The following AK3 variants were observed in gnomAD, a reference collection of about 807,000 sequenced individuals.
The protein encoded by AK3 is GTP:AMP phosphotransferase AK3, mitochondrial.
Under a neutral mutation model 23.7 loss-of-function variants are expected in AK3, and 27 were observed. The ratio of observed to expected loss-of-function variants is 1.14; its 90% CI spans 0.84 to 1.57. The LOEUF (loss-of-function observed/expected upper bound fraction) is 1.57. Ranked by LOEUF, AK3 falls within the 40% of genes most tolerant of loss-of-function variation. The probability of loss-of-function intolerance (pLI) is 0.00; values close to 1 mark genes in which losing one functional copy is unlikely to be tolerated. For missense variants in AK3, 406 were observed against 285.6 expected, an observed-to-expected ratio of 1.42 and a Z score of -3.04; for synonymous variants, 159 against 116.0, an observed-to-expected ratio of 1.37 and a Z score of -2.38.
At chr9:4,723,315 C>T (rs77840826) in intron 1 of AK3, among the ~76,000 whole-genome samples, 9,023 of 152,122 alleles carry the variant, frequency 0.059, 856 homozygotes, top group African/African-American at 0.2. Context: ...AAATAAGAAT[C>T]TGAAATCATC....
chr9:4,737,201 T>C (rs143616964), intron 1 of AK3, among the ~76,000 whole-genome samples: 1 of 151,238 alleles, frequency 6.6e-6, no homozygotes, highest in African/African-American at 2.4e-5. Context: ...ATAATTTTCA[T>C]GAAATACAGC....
intron 2 of AK3, among the ~76,000 whole-genome samples, chr9:4,721,176 G>A (rs1177515011): frequency 6.6e-6 from 1 of 152,128 alleles, no homozygotes; most frequent in Non-Finnish European, 1.5e-5. Flanking sequence ...GCTGAGGTGG[G>A]CAGATCACTT....
chr9:4,737,524 C>A (rs1390286434), intron 1 of AK3, among the ~76,000 whole-genome samples: 2 of 152,112 alleles, frequency 1.3e-5, no homozygotes, highest in Non-Finnish European at 2.9e-5. Flanking sequence ...AGTTCGAGAC[C>A]AGCCTGCCAA....
At chr9:4,718,311 T>C in intron 4 of AK3, 108 bp downstream of exon 4, 1 of 803,294 alleles carries the variant, frequency 1.2e-6, no homozygotes, top group Non-Finnish European at 2.1e-6. Context: ...TAAGCCCATG[T>C]GAACTGGGTC....
rs145499793 is a variant in AK3 at position 4,732,870 on chromosome 9, CTT to C, written c.151+8065_151+8066del. ...GTAAATAACAGTTCTCTCTCTCTCT[CTT>C]TTTTTTTTTTTTTCCAAAGAGCCAA... On this transcript the variant is annotated intron_variant, in intron 1 of 4. Transcript: ENST00000381809. Among the ~76,000 whole-genome samples, 130 of 142,380 alleles carry C rather than the reference CTT, an allele frequency of 9.1e-4. 1 individual carries two copies. The highest frequency in any genetic ancestry group is 1.6e-3 in the East Asian group (8 of 4,926). The allele number at this position is 142,380 out of a possible 152,430, so 93.4% of individuals were successfully genotyped here.
chr9:4,720,021 C>T (rs1236134220), intron 2 of AK3, among the ~76,000 whole-genome samples: 1 of 152,256 alleles, frequency 6.6e-6, no homozygotes, highest in Middle Eastern at 3.4e-3. Flanking sequence ...CAAAATTCTA[C>T]ACCAGTGCAC....
At chr9:4,729,015 A>ATATATATATATATATATATATTTTT (rs71326127) in intron 1 of AK3, among the ~76,000 whole-genome samples, 1 of 129,450 alleles carries the variant, frequency 7.7e-6, no homozygotes, top group Non-Finnish European at 1.6e-5. Flanking sequence ...ATATATATAT[A>ATATATATATATATATATATATTTTT]TTTTTTTTTT....
chr9:4,727,595 C>T (rs4615632), intron 1 of AK3, among the ~76,000 whole-genome samples: 75,467 of 152,044 alleles, frequency 0.5, 20,104 homozygotes, highest in East Asian at 0.74. Flanking sequence ...TGTGGCTGGT[C>T]TGATCTTCTT....
intron 4 of AK3, among the ~76,000 whole-genome samples, chr9:4,714,056 A>C (rs377122116): frequency 0.026 from 41 of 1,572 alleles, no homozygotes; most frequent in African/African-American, 0.05. Flanking sequence ...ATATACACCT[A>C]CACATATACA....
chr9:4,738,402 G>T (rs1001575580), intron 1 of AK3, among the ~76,000 whole-genome samples: 1 of 152,130 alleles, frequency 6.6e-6, no homozygotes, highest in Non-Finnish European at 1.5e-5. Context: ...CTGACCTCTG[G>T]TGATTCACCC....
chr9:4,721,853 T>C (rs1164190771), intron 2 of AK3, among the ~76,000 whole-genome samples: 3 of 152,236 alleles, frequency 2.0e-5, no homozygotes, highest in Non-Finnish European at 4.4e-5. Flanking sequence ...TAGAATGTAC[T>C]TTCCACAAGG....
chr9:4,718,469 C>T lies in AK3; in HGVS notation c.513G>A (p.Lys171=). The change falls in exon 4 of 5, where the codon AAG becomes AAA. Residue 171 remains lysine, a synonymous_variant. Transcript: ENST00000381809. ...REDDKPETVI[K]RLKAYEDQTK... Reference sequence around the variant, plus strand: ...TTTGGTCTTCATAAGCCTTTAGTCTCTTGATAACCGTCTCTGGTTTATCAT... The same window carrying T: ...TTTGGTCTTCATAAGCCTTTAGTCTTTTGATAACCGTCTCTGGTTTATCAT... 6.2e-7 allele frequency: 1 copy of T among 1,613,548 alleles called. No individual in the cohort carries two copies. The highest frequency in any genetic ancestry group is 1.3e-5 in the African/African-American group (1 of 75,024).
rs1329037371 is a variant in AK3, at chr9:4,741,201, C to T, written c.-114G>A. ...TAGCAGCGCCACTAGCAGGCGGCTA[C>T]TGCGGTTCCCCGGCGTTCCCGGAAG... On this transcript the variant is annotated 5_prime_UTR_variant, in exon 1 of 5. Coordinates refer to ENST00000381809, the MANE Select transcript of AK3 (RefSeq NM_016282.4). 10 of 1,195,188 alleles carry T rather than the reference C, an allele frequency of 8.4e-6. No individual in the cohort carries two copies. Among genetic ancestry groups the T allele is most frequent in the Non-Finnish European group, 8.6e-6 (8 of 925,660 alleles). 74.0% of individuals were successfully genotyped at this position (1,195,188 alleles called of 1,614,324 possible).
chr9:4,737,359 A>G (rs1842321167), intron 1 of AK3, among the ~76,000 whole-genome samples: 1 of 152,196 alleles, frequency 6.6e-6, no homozygotes, highest in Non-Finnish European at 1.5e-5. Context: ...GCATAGAGAA[A>G]AGAGTATTTA....
chr9:4,741,011 C>A lies in AK3; in HGVS notation c.77G>T (p.Arg26Leu). ...CTTCAGCTCGAAGTGTGTAGTGATG[C>A]GCGACGACACGGTGCCCTTGCCCGA... ...PGSGKGTVSS[R>L]ITTHFELKHL... is the part of the protein sequence containing the mutation. Residue 26 changes from arginine (R) to leucine (L), a missense_variant, in exon 1 of 5, where the codon CGC becomes CTC. Coordinates refer to ENST00000381809, the MANE Select transcript of AK3 (RefSeq NM_016282.4). 1 of 1,592,810 alleles carries A rather than the reference C, an allele frequency of 6.3e-7. No homozygotes were observed. Among genetic ancestry groups the A allele is most frequent in the South Asian group, 1.1e-5 (1 of 87,690 alleles).
chr9:4,713,772 G>A (rs1006984515), intron 4 of AK3, among the ~76,000 whole-genome samples: 5 of 152,048 alleles, frequency 3.3e-5, no homozygotes, highest in African/African-American at 1.2e-4. Flanking sequence ...ATTTACTCCA[G>A]TTTCCTGTGG....
intron 1 of AK3, among the ~76,000 whole-genome samples, chr9:4,729,015 A>ATATATATATATATATATTTTTTT (rs71326127): frequency 2.3e-5 from 3 of 129,450 alleles, no homozygotes; most frequent in Non-Finnish European, 4.7e-5. Flanking sequence ...ATATATATAT[A>ATATATATATATATATATTTTTTT]TTTTTTTTTT....
intron 1 of AK3, among the ~76,000 whole-genome samples, chr9:4,735,354 TATATATATACATATATAA>T (rs1563798412): frequency 0.077 from 1,553 of 20,280 alleles, 68 homozygotes; most frequent in Non-Finnish European, 0.085. Context: ...CATATATAAA[TATATATATACATATATAA>T]ATATATATAC....
chr9:4,728,835 ATATATATATATAT>A lies in AK3; in HGVS notation c.152-6223_152-6211del, dbSNP rs1563793050. On this transcript the variant is annotated intron_variant, in intron 1 of 4. Coordinates refer to ENST00000381809, the MANE Select transcript of AK3 (RefSeq NM_016282.4). ...ACACAGCAAGACCATGTCTCTACAT[ATATATATATATAT>A]ATATATATATATATATATACACACA... Among the ~76,000 whole-genome samples, 579 of 134,918 alleles carry A rather than the reference ATATATATATATAT, an allele frequency of 4.3e-3. 5 individuals carry two copies. The highest frequency in any genetic ancestry group is 0.017 in the African/African-American group (553 of 33,336). The allele number at this position is 134,918 out of a possible 152,430, so 88.5% of individuals were successfully genotyped here.
Sources: gnomAD v4.1 joint callset for allele counts (sites outside exome capture counted in the v4.1 genomes callset) on GRCh38, gnomAD v4.1.1 for gene constraint, MANE v1.5 for transcripts, NCBI Gene and HGNC (gene_info 2026-07-23, HGNC 2026-07-21) for gene names.